Variants in ADGRL2 observed in about 807,000 individuals in gnomAD.
ADGRL2 encodes the protein calcium-independent alpha-latrotoxin receptor 2.
In ADGRL2, 44 loss-of-function variants were observed where a neutral mutation model predicts 157.4. The observed-to-expected ratio is 0.28, with a 90% CI of 0.22 to 0.36. The LOEUF (loss-of-function observed/expected upper bound fraction) is 0.36. ADGRL2 is among the 10% of genes least tolerant of loss of function. ADGRL2 has a pLI of 1.00. For missense variants in ADGRL2, 1,510 were observed against 1,768.9 expected (o/e 0.85, Z 2.63); for synonymous variants, 585 against 624.7 (o/e 0.94, Z 0.95).
intron 2 of ADGRL2, among the ~76,000 whole-genome samples, chr1:81,843,126 T>A: frequency 6.6e-6 from 1 of 152,258 alleles, no homozygotes; most frequent in Non-Finnish European, 1.5e-5. Flanking sequence ...AATGAATTTT[T>A]TAAAAATTAC....
chr1:81,921,803 T>C (rs1241380597), intron 3 of ADGRL2, among the ~76,000 whole-genome samples: 2 of 152,214 alleles, frequency 1.3e-5, no homozygotes, highest in Non-Finnish European at 2.9e-5. Context: ...TTATATCATA[T>C]GGTTATGGAA....
intron 2 of ADGRL2, among the ~76,000 whole-genome samples, chr1:81,880,766 A>C (rs2093967089): frequency 6.6e-6 from 1 of 151,914 alleles, no homozygotes; most frequent in Non-Finnish European, 1.5e-5. Flanking sequence ...AAGGGACAGA[A>C]TTTTTCACCA....
intron 2 of ADGRL2, among the ~76,000 whole-genome samples, chr1:81,778,555 C>T (rs12567571): frequency 0.44 from 66,635 of 151,912 alleles, 15,231 homozygotes; most frequent in East Asian, 0.89. Flanking sequence ...ATGTTGATGA[C>T]ATCGTCTTTT....
intron 1 of ADGRL2, among the ~76,000 whole-genome samples, chr1:81,425,874 T>TTTAC (rs917120968): frequency 6.6e-6 from 1 of 151,914 alleles, no homozygotes; most frequent in African/African-American, 2.4e-5. Flanking sequence ...TATTTATTTA[T>TTTAC]TTATTTATTT....
At chr1:81,753,464 A>G (rs769233363) in intron 1 of ADGRL2, among the ~76,000 whole-genome samples, 1 of 152,218 alleles carries the variant, frequency 6.6e-6, no homozygotes, top group Admixed American at 6.5e-5. Context: ...ATTTGGGTGG[A>G]GACACAGAGC....
rs187324664 is a variant in ADGRL2 at position 81,744,383 on chromosome 1, A to G, written c.-142-17428A>G. Among the ~76,000 whole-genome samples the G allele has an allele frequency of 1.2e-3, 179 of 152,310 alleles. 2 individuals are homozygous for G. Among genetic ancestry groups the G allele is most frequent in the Non-Finnish European group, 7.4e-5 (5 of 68,010 alleles). ...AATACAGATATAAAACAACTTGCTC[A>G]AAGTCACACAGATAGTTGAGTGACA... On this transcript the variant is annotated intron_variant, in intron 1 of 20. Transcript: ENST00000359929.
chr1:81,341,301 G>A (rs1382910528), intron 1 of ADGRL2, among the ~76,000 whole-genome samples: 2 of 151,978 alleles, frequency 1.3e-5, no homozygotes, highest in Non-Finnish European at 2.9e-5. Flanking sequence ...TTTAGTTCCT[G>A]GAATAAATAT....
chr1:81,831,011 A>G (rs1046695957), intron 1 of ADGRL2, among the ~76,000 whole-genome samples: 18 of 152,136 alleles, frequency 1.2e-4, no homozygotes, highest in African/African-American at 4.1e-4. Flanking sequence ...TGATTTATGA[A>G]CAAAGGATCC....
intron 1 of ADGRL2, among the ~76,000 whole-genome samples, chr1:81,307,587 G>A (rs1659431383): frequency 6.6e-6 from 1 of 152,046 alleles, no homozygotes; most frequent in African/African-American, 2.4e-5. Flanking sequence ...TTTGACATGT[G>A]GCTATGACAA....
Position 81,943,097 on chromosome 1 carries a change from A to T in ADGRL2, c.538A>T (p.Thr180Ser), listed in dbSNP as rs1403318124. The T allele has an allele frequency of 1.2e-6, 2 of 1,613,014 alleles. No homozygotes were observed. Among genetic ancestry groups the T allele is most frequent in the African/African-American group, 1.3e-5 (1 of 74,734 alleles). ...AGATAAAATTTATTTCATGCCCTGG[A>T]CTCCCTATCGTACCGATACTTTAAT... ...AADKIYFMPWTPYRTDTLIEY... is the reference protein window; with the variant it reads ...AADKIYFMPWSPYRTDTLIEY... Residue 180 changes from threonine (T) to serine (S), a missense_variant, in exon 6 of 24, where the codon ACT (threonine) becomes TCT (serine). Coordinates refer to ENST00000686636, the MANE Select transcript of ADGRL2 (RefSeq NM_001366006.2). The surrounding 1 kb of genome is among the most constrained non-coding windows in gnomAD (Gnocchi z 5.6).
chr1:81,433,514 C>T (rs746786956), intron 1 of ADGRL2, among the ~76,000 whole-genome samples: 15 of 152,120 alleles, frequency 9.9e-5, no homozygotes, highest in Non-Finnish European at 1.6e-4. Flanking sequence ...TAGTCAGGAG[C>T]ACCCTGTGAA....
intron 1 of ADGRL2, among the ~76,000 whole-genome samples, chr1:81,351,971 C>T (rs1662929083): frequency 6.6e-6 from 1 of 152,184 alleles, no homozygotes; most frequent in South Asian, 2.1e-4. Flanking sequence ...AACACAAAAG[C>T]CAGAGAATGG....
chr1:81,430,767 C>A (rs1172737861), intron 1 of ADGRL2, among the ~76,000 whole-genome samples: 1 of 152,146 alleles, frequency 6.6e-6, no homozygotes, highest in African/African-American at 2.4e-5. Flanking sequence ...CAAACTGATT[C>A]ATGAAATACA....
intron 3 of ADGRL2, among the ~76,000 whole-genome samples, chr1:81,589,843 C>T (rs547556252): frequency 6.6e-6 from 1 of 152,278 alleles, no homozygotes; most frequent in South Asian, 2.1e-4. Context: ...AATTCATCAA[C>T]CTCTAACTGG....
chr1:81,983,145 G>T (rs1376842737), intron 19 of ADGRL2, among the ~76,000 whole-genome samples: 1 of 151,880 alleles, frequency 6.6e-6, no homozygotes, highest in East Asian at 1.9e-4. Flanking sequence ...GAGTGAGGTA[G>T]TCATTATTTC....
chr1:81,942,331 G>C (rs957445863), intron 5 of ADGRL2, among the ~76,000 whole-genome samples: 2 of 151,742 alleles, frequency 1.3e-5, no homozygotes, highest in Non-Finnish European at 2.9e-5. Flanking sequence ...TATAATTAAA[G>C]TGTCATCTTG....
intron 1 of ADGRL2, among the ~76,000 whole-genome samples, chr1:81,714,146 A>G (rs1249510573): frequency 1.3e-5 from 2 of 152,146 alleles, no homozygotes; most frequent in Non-Finnish European, 2.9e-5. Flanking sequence ...GGTCCCTCCC[A>G]TGACATGTGG....
At chr1:81,954,192 A>G (rs897108974) in intron 10 of ADGRL2, among the ~76,000 whole-genome samples, 4 of 151,086 alleles carry the variant, frequency 2.6e-5, no homozygotes, top group Admixed American at 6.6e-5. Flanking sequence ...CAGGACATAC[A>G]TCGCAGTTGG....
intron 3 of ADGRL2, 28 bp from the exon 4 acceptor site, chr1:81,936,700 C>T (rs754238181): frequency 2.5e-6 from 3 of 1,199,830 alleles, no homozygotes; most frequent in Admixed American, 1.8e-5. Flanking sequence ...AATTATGTTA[C>T]ACAAGTTTGA....
Sources: gnomAD v4.1 joint callset for allele counts (sites outside exome capture counted in the v4.1 genomes callset) on GRCh38, gnomAD v4.1.1 for gene constraint, Gnocchi (gnomAD v3.1) non-coding constraint, MANE v1.5 for transcripts, NCBI Gene and HGNC (gene_info 2026-07-23, HGNC 2026-07-21) for gene names.